The following SIGLECL1 variants were observed in gnomAD, a reference collection of about 807,000 sequenced individuals.
The protein encoded by SIGLECL1 is SIGLEC family like 1, also known as SIGLEC family-like protein 1.
SIGLECL1 carries 16 observed loss-of-function variants against 19.1 expected under a neutral mutation model. The observed-to-expected ratio is 0.84, with a 90% confidence interval of 0.57 to 1.27. SIGLECL1 has a LOEUF of 1.27. SIGLECL1 is among the 50% of genes most tolerant of loss of function. SIGLECL1 has a pLI of 0.00. For synonymous variants in SIGLECL1, 89 were observed against 90.4 expected, an observed-to-expected ratio of 0.98 and a Z score of 0.09; for missense variants, 210 against 239.4, an observed-to-expected ratio of 0.88 and a Z score of 0.81.
In SIGLECL1 at chr19:51,263,951, C is replaced by T. The variant is rs6509523; in HGVS notation, c.-122C>T. 625,486 of 1,258,406 alleles carry T rather than the reference C, an allele frequency of 0.5. 161,115 individuals are homozygous for T. Among genetic ancestry groups the T allele is most frequent in the African/African-American group, 0.77 (51,597 of 66,914 alleles). The allele number at this position is 1,258,406 out of a possible 1,614,324, so 78.0% of individuals were successfully genotyped here. On this transcript the variant is annotated 5_prime_UTR_variant, in exon 2 of 6. Coordinates refer to ENST00000601727, the MANE Select transcript of SIGLECL1 (RefSeq NM_001385465.1). Reference sequence around the variant, plus strand: ...TGGCTAAAGATACTTCTGCTCTCCCCATCCCCACATCCTCTTTCAGTTACG... The same window carrying T: ...TGGCTAAAGATACTTCTGCTCTCCCTATCCCCACATCCTCTTTCAGTTACG...
chr19:51,247,228 T>C (rs985000118), upstream of SIGLECL1, among the ~76,000 whole-genome samples: 10 of 152,124 alleles, frequency 6.6e-5, no homozygotes, highest in African/African-American at 2.2e-4. Flanking sequence ...AAGATGTCAG[T>C]AGCTCCCCTA....
At chr19:51,262,272 G>A (rs10406897) in intron 1 of SIGLECL1, among the ~76,000 whole-genome samples, 21,149 of 152,172 alleles carry the variant, frequency 0.14, 2,299 homozygotes, top group East Asian at 0.32. Context: ...CAATGTGGTA[G>A]CTACTAACTA....
At chr19:51,264,209 G>A (rs372294584) in intron 2 of SIGLECL1, 115 bp downstream of exon 2, 5 of 1,173,720 alleles carry the variant, frequency 4.3e-6, no homozygotes, top group East Asian at 2.4e-5. Flanking sequence ...GGACATATGG[G>A]CATAAGTACC....
upstream of SIGLECL1, among the ~76,000 whole-genome samples, chr19:51,250,500 G>A (rs1318001430): frequency 6.6e-6 from 1 of 152,206 alleles, no homozygotes; most frequent in East Asian, 1.9e-4. Flanking sequence ...TGGGAATGCA[G>A]CCCAGCAGGT....
At chr19:51,268,512 A>T in intron 5 of SIGLECL1, 59 bp from the exon 6 acceptor site, 1 of 1,582,696 alleles carries the variant, frequency 6.3e-7, no homozygotes, top group East Asian at 2.2e-5. Context: ...TGGATACCTC[A>T]CCTCTAGACC....
chr19:51,255,682 TA>T lies in SIGLECL1; in HGVS notation c.-191+4145del, dbSNP rs920233598. 1.2e-4 allele frequency among the ~76,000 whole-genome samples: 18 copies of T among 151,746 alleles called. No individual in the cohort carries two copies. In the East Asian group the frequency reaches 2.1e-3, roughly 18 times the overall value. ...CATACCAAAATGGCCAACAAGTATA[TA>T]AAAAAAATGCCTGACATCACTAATC... On this transcript the variant is annotated intron_variant, in intron 1 of 5. Transcript: ENST00000601727.
intron 1 of SIGLECL1, among the ~76,000 whole-genome samples, chr19:51,254,028 T>A (rs750003602): frequency 2.0e-5 from 3 of 152,224 alleles, no homozygotes; most frequent in African/African-American, 7.2e-5. Flanking sequence ...TCATTCCCAA[T>A]TGATTCACAG....
intron 1 of SIGLECL1, among the ~76,000 whole-genome samples, chr19:51,260,563 C>T (rs189544903): frequency 4.6e-5 from 7 of 152,262 alleles, no homozygotes; most frequent in Non-Finnish European, 5.9e-5. Flanking sequence ...TTGTGGCGTA[C>T]ATATGCACAA....
chr19:51,264,323 T>C (rs556046883), intron 2 of SIGLECL1: 1 of 505,100 alleles, frequency 2.0e-6, no homozygotes, highest in South Asian at 2.4e-5. Context: ...ATGGAGAGTG[T>C]AGGTGCTATG....
At chr19:51,267,550 G>A (rs768488376) in intron 5 of SIGLECL1, 21 bp downstream of exon 5, 9 of 1,612,928 alleles carry the variant, frequency 5.6e-6, no homozygotes, top group Non-Finnish European at 7.6e-6. Context: ...ATTGTGTCTG[G>A]AATCTAGTCT....
chr19:51,247,425 C>CTT (rs35110842), upstream of SIGLECL1, among the ~76,000 whole-genome samples: 1,554 of 148,542 alleles, frequency 0.01, 9 homozygotes, highest in Non-Finnish European at 0.015. Context: ...TGCCCAATTT[C>CTT]TTTTTTTTTT....
intron 4 of SIGLECL1, 49 bp from the exon 5 acceptor site, chr19:51,267,324 G>C: frequency 6.3e-7 from 1 of 1,591,416 alleles, no homozygotes; most frequent in Non-Finnish European, 8.5e-7. Context: ...CCCATTTGGG[G>C]ATTCAGGGAG....
intron 1 of SIGLECL1, among the ~76,000 whole-genome samples, chr19:51,252,296 C>CA (rs71979736): frequency 0.2 from 22,383 of 109,558 alleles, 2,565 homozygotes; most frequent in Admixed American, 0.38. Flanking sequence ...GACTCTGTCT[C>CA]AAAAAAAAAA....
At chr19:51,257,690 G>A (rs1279236850) in intron 1 of SIGLECL1, 1 of 152,158 alleles carries the variant, frequency 6.6e-6, no homozygotes, top group Admixed American at 6.5e-5. Context: ...ATGTGATTTA[G>A]GATGAGGGCT....
chr19:51,260,489 A>T (rs1057348095), intron 1 of SIGLECL1, among the ~76,000 whole-genome samples: 1 of 152,110 alleles, frequency 6.6e-6, no homozygotes, highest in African/African-American at 2.4e-5. Context: ...GTTTACTGGC[A>T]TTTGGATTGT....
chr19:51,265,353 C>T lies in SIGLECL1; in HGVS notation c.23-15C>T, dbSNP rs201813184. 115 of 1,590,862 alleles carry T rather than the reference C, an allele frequency of 7.2e-5. No homozygotes were observed. The highest frequency in any genetic ancestry group is 8.8e-5 in the Non-Finnish European group (102 of 1,163,420). ...CCAGGATGCCTTGCTGACTCCTGAC[C>T]CTTCCTCCCCACAGTACCTGCTAAG... On this transcript the variant is annotated splice_polypyrimidine_tract_variant and intron_variant, in intron 2 of 5. Coordinates refer to ENST00000601727, the MANE Select transcript of SIGLECL1 (RefSeq NM_001385465.1).
At chr19:51,253,758 T>A (rs1203141000) in intron 1 of SIGLECL1, among the ~76,000 whole-genome samples, 1 of 152,212 alleles carries the variant, frequency 6.6e-6, no homozygotes, top group Non-Finnish European at 1.5e-5. Context: ...AATAGAATCA[T>A]GAAAAAGACA....
At chr19:51,247,217 C>A (rs1982291381), upstream of SIGLECL1, among the ~76,000 whole-genome samples, 1 of 152,162 alleles carries the variant, frequency 6.6e-6, no homozygotes, top group Admixed American at 6.5e-5. Context: ...GTTGTACACA[C>A]AAGATGTCAG....
chr19:51,267,772 A>G (rs1024956111), intron 5 of SIGLECL1, among the ~76,000 whole-genome samples: 15 of 152,212 alleles, frequency 9.9e-5, no homozygotes, highest in Admixed American at 2.0e-4. Flanking sequence ...ACACCATTAC[A>G]TTGAATCCCC....
Sources: gnomAD v4.1 joint callset for allele counts (sites outside exome capture counted in the v4.1 genomes callset) on GRCh38, gnomAD v4.1.1 for gene constraint, MANE v1.5 for transcripts, NCBI Gene and HGNC (gene_info 2026-07-23, HGNC 2026-07-21) for gene names.